SIPA1L3: variants seen among roughly 807,000 people sequenced by gnomAD.
The protein encoded by SIPA1L3 is signal-induced proliferation-associated 1-like protein 3.
Under a neutral mutation model 150.1 loss-of-function variants are expected in SIPA1L3, and 59 were observed. The observed-to-expected ratio is 0.39, with a 90% CI of 0.32 to 0.49. The LOEUF is 0.49. Among genes scored for constraint, SIPA1L3 ranks in the 20% least tolerant of loss-of-function variants. The pLI is 0.86. For synonymous variants in SIPA1L3, 1,070 were observed against 1,077.6 expected, an observed-to-expected ratio of 0.99 and a Z score of 0.14; for missense variants, 2,211 against 2,489.5, an observed-to-expected ratio of 0.89 and a Z score of 2.38.
chr19:38,071,326 G>A (rs1158120390), intron 2 of SIPA1L3, among the ~76,000 whole-genome samples: 1 of 151,736 alleles, frequency 6.6e-6, no homozygotes, highest in African/African-American at 2.4e-5. Flanking sequence ...TCACTTTATT[G>A]CCCAGGCGGG....
chr19:37,912,633 C>A (rs954274588), intron 1 of SIPA1L3, among the ~76,000 whole-genome samples: 1 of 152,110 alleles, frequency 6.6e-6, no homozygotes, highest in Non-Finnish European at 1.5e-5. Context: ...GTAGCTGGGG[C>A]TACAGGTGTG....
At chr19:38,175,651 C>T (rs973711462) in intron 15 of SIPA1L3, among the ~76,000 whole-genome samples, 10 of 152,166 alleles carry the variant, frequency 6.6e-5, no homozygotes, top group African/African-American at 1.2e-4. Flanking sequence ...CCTGCAGCTC[C>T]GCGGTTCCTC....
At chr19:38,176,927 T>C (rs1280489871) in intron 15 of SIPA1L3, among the ~76,000 whole-genome samples, 2 of 150,232 alleles carry the variant, frequency 1.3e-5, no homozygotes, top group Non-Finnish European at 3.0e-5. Context: ...GCCAAGATCA[T>C]GCCATTGCAC....
rs897297464 is a variant in SIPA1L3 at position 37,975,870 on chromosome 19, C to T, written c.-378-53219C>T. 3.3e-5 allele frequency among the ~76,000 whole-genome samples: 5 copies of T among 152,030 alleles called. No individual in the cohort carries two copies. The East Asian group carries it at 5.8e-4, about 18-fold the overall frequency. ...CTGTAATCCCAGCACTTTGGGTGGC[C>T]GAGGCGGGTAGATCACTTGAGGTCA... On this transcript the variant is annotated intron_variant, in intron 1 of 21. Transcript: ENST00000222345.
intron 2 of SIPA1L3, among the ~76,000 whole-genome samples, chr19:38,035,814 G>T (rs1158269777): frequency 6.6e-6 from 1 of 152,156 alleles, no homozygotes; most frequent in South Asian, 2.1e-4. Context: ...GCATTCATTA[G>T]CCCTTACTGC....
intron 1 of SIPA1L3, chr19:37,932,199 C>T (rs534348438): frequency 1.2e-4 from 18 of 152,624 alleles, no homozygotes; most frequent in African/African-American, 3.4e-4. Flanking sequence ...GGGCAGGGGA[C>T]GGTGTGGGCA....
intron 1 of SIPA1L3, among the ~76,000 whole-genome samples, chr19:37,959,348 G>A (rs2046837572): frequency 6.6e-6 from 1 of 152,194 alleles, no homozygotes; most frequent in Admixed American, 6.5e-5. Context: ...TCATAGAAAG[G>A]AATGAAGTAC....
At chr19:38,084,548 TAA>T (rs60242010) in intron 3 of SIPA1L3, among the ~76,000 whole-genome samples, 12 of 93,518 alleles carry the variant, frequency 1.3e-4, no homozygotes, top group Non-Finnish European at 1.8e-4. Context: ...GGGCTTTTCT[TAA>T]AAAAAAAAAA....
chr19:38,149,969 T>G (rs1294648934), intron 12 of SIPA1L3, among the ~76,000 whole-genome samples: 1 of 152,184 alleles, frequency 6.6e-6, no homozygotes, highest in Non-Finnish European at 1.5e-5. Context: ...TCACAGCGAC[T>G]TTTTGGGAAA....
intron 20 of SIPA1L3, among the ~76,000 whole-genome samples, chr19:38,202,444 C>T (rs1197976226): frequency 1.3e-5 from 2 of 151,938 alleles, no homozygotes; most frequent in South Asian, 2.1e-4. Context: ...AAAAATTAGC[C>T]GGGCGTGGTG....
intron 1 of SIPA1L3, among the ~76,000 whole-genome samples, chr19:37,968,577 C>T (rs1044117115): frequency 2.0e-5 from 3 of 152,116 alleles, no homozygotes; most frequent in Non-Finnish European, 1.5e-5. Flanking sequence ...CCAAACTGTC[C>T]GAAGGAAATG....
At chr19:37,910,545 AAAG>A (rs1238420194) in intron 1 of SIPA1L3, among the ~76,000 whole-genome samples, 1 of 151,956 alleles carries the variant, frequency 6.6e-6, no homozygotes, top group Non-Finnish European at 1.5e-5. Context: ...AAAAAAAAAA[AAAG>A]AATGAGAGGC....
At chr19:37,958,817 C>T (rs1358877865) in intron 1 of SIPA1L3, among the ~76,000 whole-genome samples, 1 of 152,170 alleles carries the variant, frequency 6.6e-6, no homozygotes, top group Non-Finnish European at 1.5e-5. Context: ...GCTGAATATA[C>T]AAAGAACTCT....
At chr19:37,956,013 A>G (rs1006352318) in intron 1 of SIPA1L3, among the ~76,000 whole-genome samples, 4 of 152,190 alleles carry the variant, frequency 2.6e-5, no homozygotes, top group African/African-American at 9.7e-5. Flanking sequence ...GGGTCTCATG[A>G]TGTTGTCCAG....
In SIPA1L3 at chr19:38,047,111, G is replaced by T. The variant is rs1969076576; in HGVS notation, c.-311+17955G>T. 6.6e-6 allele frequency among the ~76,000 whole-genome samples: 1 copy of T among 152,164 alleles called. No homozygotes were observed. Among genetic ancestry groups the T allele is most frequent in the African/African-American group, 2.4e-5 (1 of 41,426 alleles). On this transcript the variant is annotated intron_variant, in intron 2 of 21. Transcript: ENST00000222345. This position sits in a 1 kb window ranked among gnomAD's most constrained non-coding sequence, Gnocchi z 4.7. Reference sequence around the variant, plus strand: ...GAGGAAACTGAGGCACGGATAAGTTGGGTTGTTTGCGTGAGCCACACAGGT... The same window carrying T: ...GAGGAAACTGAGGCACGGATAAGTTTGGTTGTTTGCGTGAGCCACACAGGT...
At chr19:38,006,900 G>A (rs1967954453) in intron 1 of SIPA1L3, among the ~76,000 whole-genome samples, 2 of 152,228 alleles carry the variant, frequency 1.3e-5, no homozygotes, top group Admixed American at 6.5e-5. Flanking sequence ...GAAATGGCTT[G>A]TGTGTGCCTT....
At chr19:38,124,137 C>T (rs1242980230) in intron 9 of SIPA1L3, among the ~76,000 whole-genome samples, 32 of 149,712 alleles carry the variant, frequency 2.1e-4, no homozygotes, top group African/African-American at 6.6e-4. Flanking sequence ...GGGTGGCTGC[C>T]GGGCGGAGAC....
Position 38,082,518 on chromosome 19 carries a change from CG to C in SIPA1L3, c.958del (p.Glu320ArgfsTer86). 1.3e-6 allele frequency: 2 copies of C among 1,597,230 alleles called. No homozygotes were observed. ...CCCGAGGGGGAGGCTGGGCGTTCCC[CG>C]GGGGAGGCCGACGAGGGCCGGAGCC... ...SKPEGEAGRS[P>X]GEADEGRSPP... On this transcript the variant is annotated frameshift_variant, in exon 3 of 22. Coordinates refer to ENST00000222345, the MANE Select transcript of SIPA1L3 (RefSeq NM_015073.3). LOFTEE classifies it high-confidence loss of function.
At chr19:37,969,480 A>G (rs1306746899) in intron 1 of SIPA1L3, among the ~76,000 whole-genome samples, 2 of 148,484 alleles carry the variant, frequency 1.3e-5, no homozygotes, top group Non-Finnish European at 3.0e-5. Context: ...TCAACCCGGG[A>G]GGTGGAGGTT....
Sources: gnomAD v4.1 joint callset for allele counts (sites outside exome capture counted in the v4.1 genomes callset) on GRCh38, gnomAD v4.1.1 for gene constraint, Gnocchi (gnomAD v3.1) non-coding constraint, MANE v1.5 for transcripts, NCBI Gene and HGNC (gene_info 2026-07-23, HGNC 2026-07-21) for gene names.